TOX: variants seen among roughly 807,000 people sequenced by gnomAD.
TOX encodes the protein thymocyte selection associated high mobility group box, also known as thymocyte selection-associated high mobility group box protein TOX.
TOX carries 11 observed loss-of-function variants against 53.7 expected under a neutral mutation model. That is an observed-to-expected ratio of 0.20 (90% CI 0.13 to 0.34). The LOEUF (loss-of-function observed/expected upper bound fraction) is 0.34, where lower values mean the gene tolerates loss of function less well. TOX is among the 10% of genes least tolerant of loss of function. The pLI, the probability that TOX is intolerant of heterozygous loss-of-function variation, is 1.00. For missense variants in TOX, 570 were observed against 664.6 expected (o/e 0.86, Z 1.56); for synonymous variants, 225 against 245.3 (o/e 0.92, Z 0.77).
chr8:58,956,429 C>T (rs1812708530), intron 2 of TOX, among the ~76,000 whole-genome samples: 1 of 152,110 alleles, frequency 6.6e-6, no homozygotes, highest in African/African-American at 2.4e-5. Context: ...TTATAAGATA[C>T]ATTTTATTGT....
chr8:58,888,416 G>A (rs1474489694), intron 3 of TOX, among the ~76,000 whole-genome samples: 5 of 151,968 alleles, frequency 3.3e-5, no homozygotes, highest in African/African-American at 1.2e-4. Context: ...AAGACTTGAA[G>A]AAATGGAAAT....
At chr8:58,977,490 C>A (rs950840737) in intron 1 of TOX, among the ~76,000 whole-genome samples, 1 of 152,224 alleles carries the variant, frequency 6.6e-6, no homozygotes, top group African/African-American at 2.4e-5. Flanking sequence ...ACAGGAGTAG[C>A]ACTTTTAATT....
intron 6 of TOX, among the ~76,000 whole-genome samples, chr8:58,819,460 T>A (rs1404042208): frequency 6.6e-6 from 1 of 152,220 alleles, no homozygotes; most frequent in Non-Finnish European, 1.5e-5. Flanking sequence ...TCTTTCCTAT[T>A]TGCATTTAGA....
chr8:58,839,848 G>C (rs1389075505), intron 4 of TOX, among the ~76,000 whole-genome samples: 1 of 152,220 alleles, frequency 6.6e-6, no homozygotes, highest in African/African-American at 2.4e-5. Context: ...ATGATGTACA[G>C]AGAGGTCTGT....
intron 1 of TOX, among the ~76,000 whole-genome samples, chr8:59,112,644 C>T (rs1805035858): frequency 6.6e-6 from 1 of 152,106 alleles, no homozygotes; most frequent in Non-Finnish European, 1.5e-5. Context: ...AAAAGCATGT[C>T]TAAAATTGGT....
Position 58,951,183 on chromosome 8 carries a change from C to T in TOX, c.168+8760G>A, listed in dbSNP as rs145253135. Reference sequence around the variant, plus strand: ...GCCTTAGACCTTCCAAGGTCAGAATCCTAGCTCTAATATTTACTATCTTTT... The same window carrying T: ...GCCTTAGACCTTCCAAGGTCAGAATTCTAGCTCTAATATTTACTATCTTTT... On this transcript the variant is annotated intron_variant, in intron 2 of 8. Coordinates refer to ENST00000361421, the MANE Select transcript of TOX (RefSeq NM_014729.3). Among the ~76,000 whole-genome samples, 824 of 152,224 alleles carry T rather than the reference C, an allele frequency of 5.4e-3. 6 individuals carry two copies. Among genetic ancestry groups the T allele is most frequent in the Middle Eastern group, 0.017 (5 of 294 alleles).
intron 3 of TOX, among the ~76,000 whole-genome samples, chr8:58,872,867 G>C (rs1811221267): frequency 6.6e-6 from 1 of 152,098 alleles, no homozygotes; most frequent in African/African-American, 2.4e-5. Context: ...TATGACTTTA[G>C]ACAGTAAGAA....
At chr8:58,872,797 T>G (rs369874012) in intron 3 of TOX, among the ~76,000 whole-genome samples, 2 of 152,062 alleles carry the variant, frequency 1.3e-5, no homozygotes, top group African/African-American at 4.8e-5. Flanking sequence ...GTGGAAACCT[T>G]GGTGGAATTC....
intron 1 of TOX, among the ~76,000 whole-genome samples, chr8:59,050,322 C>A (rs572356711): frequency 6.6e-6 from 1 of 152,218 alleles, no homozygotes; most frequent in East Asian, 1.9e-4. Flanking sequence ...ATTCTCCCTT[C>A]CAGGATTGTT....
chr8:58,848,526 T>C (rs866473592), intron 4 of TOX, among the ~76,000 whole-genome samples: 2 of 152,232 alleles, frequency 1.3e-5, no homozygotes, highest in South Asian at 4.1e-4. Flanking sequence ...TAGAAAAATA[T>C]ATAATGTGAT....
chr8:58,830,343 T>C (rs1810432204), intron 5 of TOX, among the ~76,000 whole-genome samples: 1 of 152,180 alleles, frequency 6.6e-6, no homozygotes, highest in South Asian at 2.1e-4. Context: ...CTAAAACATA[T>C]ATAATGGCTA....
At chr8:58,815,767 G>A in intron 6 of TOX, 43 bp from the exon 7 acceptor site, 1 of 1,554,364 alleles carries the variant, frequency 6.4e-7, no homozygotes, top group Non-Finnish European at 8.7e-7. Flanking sequence ...GCTGATACAT[G>A]AGTGTTGATT....
rs532658798 is a variant in TOX at position 58,894,022 on chromosome 8, C to T, written c.412-42217G>A. On this transcript the variant is annotated intron_variant, in intron 3 of 8. Coordinates refer to ENST00000361421, the MANE Select transcript of TOX (RefSeq NM_014729.3). ...TTTAACTGAATATAAAAACCGTTTC[C>T]AAGTAAAATGGATTGCCCTTTAGCT... 2.6e-5 allele frequency among the ~76,000 whole-genome samples: 4 copies of T among 152,248 alleles called. No homozygotes were observed. The East Asian group carries it at 7.7e-4, about 29-fold the overall frequency.
chr8:59,061,644 G>A (rs1803986433), intron 1 of TOX, among the ~76,000 whole-genome samples: 1 of 151,974 alleles, frequency 6.6e-6, no homozygotes. Context: ...TTGGTGGCCA[G>A]GTGATGATAA....
At chr8:58,965,043 C>T (rs180962879) in intron 1 of TOX, among the ~76,000 whole-genome samples, 19 of 152,224 alleles carry the variant, frequency 1.2e-4, no homozygotes, top group East Asian at 3.9e-4. Flanking sequence ...TTCCTTACTC[C>T]GTATGCTCAT....
At chr8:59,009,358 TTC>T (rs1422818496) in intron 1 of TOX, among the ~76,000 whole-genome samples, 1 of 151,276 alleles carries the variant, frequency 6.6e-6, no homozygotes, top group Non-Finnish European at 1.5e-5. Flanking sequence ...CCTCCTTTCT[TTC>T]TCTCTTTCTC....
At chr8:58,956,813 G>A (rs540668429) in intron 2 of TOX, among the ~76,000 whole-genome samples, 20 of 152,152 alleles carry the variant, frequency 1.3e-4, no homozygotes, top group African/African-American at 3.4e-4. Context: ...ACAGGGTTTC[G>A]CCATGTTGGC....
Position 58,939,699 on chromosome 8 carries a change from A to G in TOX, c.169-155T>C, listed in dbSNP as rs181635238. ...CAGATTATCCTGCTGCCATTTCATC[A>G]TTATGCATGAAAGAAAATTGCCTCA... On this transcript the variant is annotated intron_variant, in intron 2 of 8. Transcript: ENST00000361421. 2.6e-4 allele frequency among the ~76,000 whole-genome samples: 39 copies of G among 152,350 alleles called. No homozygotes were observed. In the East Asian group the frequency reaches 6.0e-3, roughly 23 times the overall value.
At chr8:58,908,365 T>C (rs1008997701) in intron 3 of TOX, among the ~76,000 whole-genome samples, 2 of 152,148 alleles carry the variant, frequency 1.3e-5, no homozygotes, top group African/African-American at 4.8e-5. Flanking sequence ...CTGAACGCCT[T>C]TCCTGTCATG....
Sources: allele counts gnomAD v4.1 joint callset (sites outside exome capture counted in the v4.1 genomes callset), GRCh38; gene constraint gnomAD v4.1.1; transcripts MANE v1.5; gene names NCBI Gene and HGNC (gene_info 2026-07-23, HGNC 2026-07-21).